Variants in TEX38 observed in about 807,000 individuals in gnomAD.
TEX38 encodes the protein testis-expressed protein 38.
A neutral mutation model predicts 2.7 loss-of-function variants in TEX38; 5 were observed. That is an observed-to-expected ratio of 1.86 (90% confidence interval 0.97 to 3.90). The LOEUF is 3.90. Among genes scored for constraint, TEX38 ranks in the 30% most tolerant of loss-of-function variants. The pLI, the probability that TEX38 is intolerant of heterozygous loss-of-function variation, is 0.00. For synonymous variants in TEX38, 110 were observed against 103.3 expected, an observed-to-expected ratio of 1.06 and a Z score of -0.39; for missense variants, 218 against 247.9, an observed-to-expected ratio of 0.88 and a Z score of 0.81.
Position 46,673,370 on chromosome 1 carries a change from G to C in TEX38, c.535G>C (p.Glu179Gln). Residue 179 changes from glutamate (E) to glutamine (Q), a missense_variant, in exon 2 of 2, where the codon GAA becomes CAA. Transcript: ENST00000334122. ...SVSYPLATCP[E>Q]RNVLFHSLLN... ...CTCCTATCCTTTGGCCACCTGTCCT[G>C]AAAGGAATGTTCTCTTCCATTCCCT... 1 of 1,551,870 alleles carries C rather than the reference G, an allele frequency of 6.4e-7. No homozygotes were observed. The highest frequency in any genetic ancestry group is 8.7e-7 in the Non-Finnish European group (1 of 1,147,052).
chr1:46,671,651 C>T (rs1241898731), upstream of TEX38: 3 of 444,570 alleles, frequency 6.7e-6, no homozygotes, highest in Admixed American at 6.9e-5. Flanking sequence ...TAGGTACAGA[C>T]AATTCAATAG....
upstream of TEX38, among the ~76,000 whole-genome samples, chr1:46,671,497 G>A (rs1193705680): frequency 6.6e-6 from 1 of 152,226 alleles, no homozygotes; most frequent in Non-Finnish European, 1.5e-5. Flanking sequence ...GAACAGGGCT[G>A]CCCAATGCTG....
chr1:46,669,953 G>A (rs1676559867), upstream of TEX38, among the ~76,000 whole-genome samples: 2 of 152,178 alleles, frequency 1.3e-5, no homozygotes, highest in African/African-American at 4.8e-5. Context: ...TATGTTTTAA[G>A]CAGTGGAGTA....
Position 46,671,942 on chromosome 1 carries a change from C to A in TEX38, c.8C>A (p.Ser3Tyr). The change falls in exon 1 of 2, where the codon TCC becomes TAC. Residue 3 changes from serine to tyrosine, a missense_variant. Coordinates refer to ENST00000334122, the MANE Select transcript of TEX38 (RefSeq NM_001145474.4). ...GTACCAAAGCTCAGCTGTATGGATT[C>A]CCAACAGGAGGACCTGCGCTTCCCT... MD[S>Y]QQEDLRFPGM... is the part of the protein sequence containing the mutation. 1 of 1,548,674 alleles carries A rather than the reference C, an allele frequency of 6.5e-7. No homozygotes were observed. The highest frequency in any genetic ancestry group is 1.2e-5 in the South Asian group (1 of 83,658).
chr1:46,672,089 C>T, intron 1 of TEX38, 118 bp downstream of exon 1: 1 of 987,102 alleles, frequency 1.0e-6, no homozygotes, highest in Non-Finnish European at 1.4e-6. Context: ...GAGAGCTAAG[C>T]AGTTAGGAGA....
Position 46,671,894 on chromosome 1 carries a change from C to T in TEX38, c.-41C>T. On this transcript the variant is annotated 5_prime_UTR_variant, in exon 1 of 2. Coordinates refer to ENST00000334122, the MANE Select transcript of TEX38 (RefSeq NM_001145474.4). ...CTGGGCAGATGGGTGGGTGAGTTCCCTCTCCCCAGAGCCATCGGCCAGGTA... is the reference window on the plus strand; with the variant it reads ...CTGGGCAGATGGGTGGGTGAGTTCCTTCTCCCCAGAGCCATCGGCCAGGTA... 1.3e-6 allele frequency: 2 copies of T among 1,550,382 alleles called. No individual in the cohort carries two copies. The highest frequency in any genetic ancestry group is 1.2e-5 in the South Asian group (1 of 84,028).
At chr1:46,669,307 G>A, upstream of TEX38, 1 of 424,036 alleles carries the variant, frequency 2.4e-6, no homozygotes, top group Non-Finnish European at 4.8e-6. Flanking sequence ...TCCAACCTAT[G>A]CTCATGGAGA....
chr1:46,671,727 C>A, upstream of TEX38: 1 of 583,416 alleles, frequency 1.7e-6, no homozygotes, highest in Non-Finnish European at 3.1e-6. Context: ...GATGAAGTCC[C>A]CTCCTTCCAT....
chr1:46,670,878 G>T (rs1209091157), upstream of TEX38, among the ~76,000 whole-genome samples: 5 of 152,112 alleles, frequency 3.3e-5, no homozygotes, highest in African/African-American at 1.2e-4. Context: ...GCTTAATTAG[G>T]GAAGGGCTTT....
rs1027218111 is a variant in TEX38, at chr1:46,672,752, G to A, written c.38-121G>A. On this transcript the variant is annotated intron_variant, in intron 1 of 1. Transcript: ENST00000334122. ...CAATAAGGGAGGGAAGGAACGGTGAGAGTAGTTAAGTGGATGGAGCGATTG... is the reference window on the plus strand; with the variant it reads ...CAATAAGGGAGGGAAGGAACGGTGAAAGTAGTTAAGTGGATGGAGCGATTG... 2.4e-5 allele frequency: 21 copies of A among 857,396 alleles called. 1 individual carries two copies. In the Admixed American group the frequency reaches 3.8e-4, roughly 16 times the overall value. The allele number at this position is 857,396 out of a possible 1,614,324, so 53.1% of individuals were successfully genotyped here.
chr1:46,672,745 A>C, intron 1 of TEX38, 128 bp from the exon 2 acceptor site: 2 of 810,854 alleles, frequency 2.5e-6, no homozygotes, highest in Non-Finnish European at 3.8e-6. Flanking sequence ...GAGGGAAGGA[A>C]CGGTGAGAGT....
intron 1 of TEX38, among the ~76,000 whole-genome samples, chr1:46,672,630 G>A (rs575801779): frequency 1.3e-5 from 2 of 152,292 alleles, no homozygotes; most frequent in South Asian, 2.1e-4. Flanking sequence ...ACATGCCCCC[G>A]CTAGACCTAG....
At position 46,671,944 on chromosome 1, in the gene TEX38, C is replaced by T; in HGVS notation, c.10C>T (p.Gln4Ter). 6.5e-7 allele frequency: 1 copy of T among 1,548,110 alleles called. No individual in the cohort carries two copies. Among genetic ancestry groups the T allele is most frequent in the East Asian group, 2.4e-5 (1 of 40,840 alleles). ...ACCAAAGCTCAGCTGTATGGATTCCCAACAGGAGGACCTGCGCTTCCCTGG... is the reference window on the plus strand; with the variant it reads ...ACCAAAGCTCAGCTGTATGGATTCCTAACAGGAGGACCTGCGCTTCCCTGG... The part of the protein sequence containing the change: MDS[Q>*]QEDLRFPGMW... The change falls in exon 1 of 2, where the codon CAA becomes TAA. Residue 4 changes from glutamine (Q) to a stop codon, truncating the protein, a stop_gained. Transcript: ENST00000334122. LOFTEE classifies it low-confidence loss of function (END_TRUNC).
rs770465669 is a variant in TEX38 at position 46,671,959 on chromosome 1, C to G, written c.25C>G (p.Arg9Gly). The G allele has an allele frequency of 6.5e-7, 1 of 1,542,510 alleles. No homozygotes were observed. The highest frequency in any genetic ancestry group is 2.5e-5 in the East Asian group (1 of 40,716). The change falls in exon 1 of 2, where the codon CGC (arginine) becomes GGC (glycine). Residue 9 changes from arginine to glycine, a missense_variant. By Grantham distance (125) the Arg-to-Gly change is moderately radical. Transcript: ENST00000334122. ...TATGGATTCCCAACAGGAGGACCTG[C>G]GCTTCCCTGGGAGTAAGTGCTCCTC... MDSQQEDLRFPGMWVSLYF... is the reference protein window; with the variant it reads MDSQQEDLGFPGMWVSLYF...
chr1:46,673,027 ATTG>A lies in TEX38; in HGVS notation c.197_199del (p.Leu66del), dbSNP rs1362034767. 1.9e-6 allele frequency: 3 copies of A among 1,551,490 alleles called. No homozygotes were observed. The highest frequency in any genetic ancestry group is 1.7e-6 in the Non-Finnish European group (2 of 1,146,934). ...GAGCTGCCACATTCACCTACAGCCCATTGTTGTACTGGATTAACAAGCGACGGC... is the reference window on the plus strand; with the variant it reads ...GAGCTGCCACATTCACCTACAGCCCATTGTACTGGATTAACAAGCGACGGC... On this transcript the variant is annotated inframe_deletion, in exon 2 of 2. Coordinates refer to ENST00000334122, the MANE Select transcript of TEX38 (RefSeq NM_001145474.4).
upstream of TEX38, chr1:46,671,641 T>G (rs57495753): frequency 0.055 from 22,648 of 408,740 alleles, 2,398 homozygotes; most frequent in East Asian, 0.39. Flanking sequence ...CCATAAGGGG[T>G]AGGTACAGAC....
chr1:46,669,749 G>T (rs2148830582), upstream of TEX38, among the ~76,000 whole-genome samples: 1 of 152,306 alleles, frequency 6.6e-6, no homozygotes, highest in South Asian at 2.1e-4. Context: ...GGTAATGTGG[G>T]AATGCTGGGG....
upstream of TEX38, chr1:46,669,509 C>T (rs1410173973): frequency 4.4e-6 from 2 of 455,984 alleles, no homozygotes; most frequent in Non-Finnish European, 8.8e-6. Flanking sequence ...TAAATGACAA[C>T]CCCTCCATCT....
rs1676633202 is a variant in TEX38 at position 46,673,483 on chromosome 1, C to T, written c.*27C>T. ...CTCCTCTCACTGAAGGTGGGAGCTG[C>T]AGGAATCAGGTGCAGAGTAGGAAAT... On this transcript the variant is annotated 3_prime_UTR_variant, in exon 2 of 2. Transcript: ENST00000334122. The T allele has an allele frequency of 2.0e-6, 3 of 1,515,282 alleles. No homozygotes were observed. Among genetic ancestry groups the T allele is most frequent in the Non-Finnish European group, 2.7e-6 (3 of 1,125,198 alleles). The allele number at this position is 1,515,282 out of a possible 1,614,324, so 93.9% of individuals were successfully genotyped here.
Sources: allele counts gnomAD v4.1 joint callset (sites outside exome capture counted in the v4.1 genomes callset), GRCh38; gene constraint gnomAD v4.1.1; transcripts MANE v1.5; gene names NCBI Gene and HGNC (gene_info 2026-07-23, HGNC 2026-07-21).